SDK1: variants seen among roughly 807,000 people sequenced by gnomAD.
The protein encoded by SDK1 is sidekick cell adhesion molecule 1.
SDK1 carries 157 observed loss-of-function variants against 245.5 expected under a neutral mutation model. The ratio of observed to expected loss-of-function variants is 0.64; its 90% CI spans 0.56 to 0.73. The LOEUF is 0.73. SDK1 is among the 30% of genes least tolerant of loss of function. SDK1 has a pLI of 0.00. For missense variants in SDK1, 3,583 were observed against 3,002.3 expected (o/e 1.19, Z -4.52); for synonymous variants, 1,647 against 1,278.5 (o/e 1.29, Z -6.15).
chr7:3,995,255 G>T (rs115110721), intron 14 of SDK1, among the ~76,000 whole-genome samples: 1 of 152,068 alleles, frequency 6.6e-6, no homozygotes, highest in Admixed American at 6.6e-5. Context: ...GGGAATTCTC[G>T]CCCTGATCCT....
intron 1 of SDK1, among the ~76,000 whole-genome samples, chr7:3,468,159 T>A (rs1258267572): frequency 6.6e-6 from 1 of 152,198 alleles, no homozygotes; most frequent in Non-Finnish European, 1.5e-5. Flanking sequence ...TGACATTCCT[T>A]TAGTCTTAAC....
chr7:3,527,986 G>A (rs193179783), intron 1 of SDK1, among the ~76,000 whole-genome samples: 2 of 150,614 alleles, frequency 1.3e-5, no homozygotes, highest in Non-Finnish European at 3.0e-5. Context: ...AGGTGAGGCT[G>A]GGTGTCAGTT....
Position 3,907,470 on chromosome 7 carries a change from C to CT in SDK1, c.848-43452dup, listed in dbSNP as rs1432383652. On this transcript the variant is annotated intron_variant, in intron 5 of 44. Coordinates refer to ENST00000404826, the MANE Select transcript of SDK1 (RefSeq NM_152744.4). ...ACTCATTGCTTTTTGTGGCTGAACA[C>CT]TATTTCATTATCTGACATACCACAC... Among the ~76,000 whole-genome samples, 4 of 152,222 alleles carry CT rather than the reference C, an allele frequency of 2.6e-5. No homozygotes were observed. The East Asian group carries it at 7.7e-4, about 29-fold the overall frequency.
At chr7:3,706,706 A>C (rs570933797) in intron 4 of SDK1, among the ~76,000 whole-genome samples, 6 of 152,192 alleles carry the variant, frequency 3.9e-5, no homozygotes, top group African/African-American at 1.4e-4. Flanking sequence ...TCGGCCAGCA[A>C]CTTTTTTTTA....
chr7:4,103,771 A>G (rs61000330), intron 22 of SDK1, among the ~76,000 whole-genome samples: 7,564 of 152,340 alleles, frequency 0.05, 633 homozygotes, highest in African/African-American at 0.17. Context: ...GTGATGACAC[A>G]TGTGGTGAGA....
rs941275229 is a variant in SDK1 at position 4,266,700 on chromosome 7, C to G, written c.*1316C>G. ...CCTCCAGCCCCTCACGTCATCTTTG[C>G]AACAGACGACTGGGCTGCCATGGTC... On this transcript the variant is annotated 3_prime_UTR_variant, in exon 45 of 45. Coordinates refer to ENST00000404826, the MANE Select transcript of SDK1 (RefSeq NM_152744.4). The G allele has an allele frequency of 2.0e-6, 2 of 985,370 alleles. No individual in the cohort carries two copies. The highest frequency in any genetic ancestry group is 3.5e-5 in the African/African-American group (2 of 57,244). The allele number at this position is 985,370 out of a possible 1,614,324, so 61.0% of individuals were successfully genotyped here. A position where few individuals can be genotyped will look rare whatever the true frequency, so the allele number is the denominator to read the frequency against.
intron 5 of SDK1, among the ~76,000 whole-genome samples, chr7:3,902,974 T>C (rs1257375479): frequency 6.6e-6 from 1 of 152,110 alleles, no homozygotes; most frequent in African/African-American, 2.4e-5. Flanking sequence ...CAAAGGATTT[T>C]AATAGGCATT....
intron 33 of SDK1, 132 bp from the exon 34 acceptor site, chr7:4,175,643 C>A: frequency 1.3e-6 from 1 of 782,062 alleles, no homozygotes. Context: ...TCTTTATTGC[C>A]CCGGGAGGCG....
chr7:3,361,285 C>A (rs980986382), intron 1 of SDK1, among the ~76,000 whole-genome samples: 2 of 152,256 alleles, frequency 1.3e-5, no homozygotes, highest in East Asian at 3.9e-4. Context: ...TTTTAAAACC[C>A]GAATTGAAAT....
rs530401354 is a variant in SDK1 at position 3,523,638 on chromosome 7, A to G, written c.299-95442A>G. On this transcript the variant is annotated intron_variant, in intron 1 of 44. Coordinates refer to ENST00000404826, the MANE Select transcript of SDK1 (RefSeq NM_152744.4). ...CTTTCCAAGCATTTGTGATACCTCAATGGGCATAGTCTACCAGAATGAGTG... is the reference window on the plus strand; with the variant it reads ...CTTTCCAAGCATTTGTGATACCTCAGTGGGCATAGTCTACCAGAATGAGTG... Among the ~76,000 whole-genome samples the G allele has an allele frequency of 9.2e-5, 14 of 152,258 alleles. No homozygotes were observed. In the South Asian group the frequency reaches 2.1e-3, roughly 23 times the overall value.
intron 42 of SDK1, among the ~76,000 whole-genome samples, chr7:4,238,607 G>A (rs578251683): frequency 1.3e-5 from 2 of 150,228 alleles, no homozygotes; most frequent in East Asian, 2.0e-4. Context: ...TTGTTGCCAT[G>A]GTGCAGTCTA....
chr7:3,851,692 G>A lies in SDK1; in HGVS notation c.847+30109G>A, dbSNP rs1436983582. ...ATGTGATTTATGGGAACACCTTTCA[G>A]TAATTTTACACAGTCCACCAGAAAA... is the stretch of plus-strand genomic sequence containing the variant. On this transcript the variant is annotated intron_variant, in intron 5 of 44. Transcript: ENST00000404826. Among the ~76,000 whole-genome samples, 3 of 152,142 alleles carry A rather than the reference G, an allele frequency of 2.0e-5. No individual in the cohort carries two copies. The East Asian group carries it at 5.8e-4, about 29-fold the overall frequency.
rs1157878786 is a variant in SDK1 at position 4,268,674 on chromosome 7, A to G, written c.*3290A>G. ...TTTATTTCTTACGCATTCTTGGCAC[A>G]CAGTGTAGCTATCCTCCTGACGAGC... On this transcript the variant is annotated 3_prime_UTR_variant, in exon 45 of 45. Transcript: ENST00000404826. 7.3e-7 allele frequency: 1 copy of G among 1,367,844 alleles called. No individual in the cohort carries two copies. The highest frequency in any genetic ancestry group is 1.1e-5 in the South Asian group (1 of 88,046). 84.7% of individuals were successfully genotyped at this position (1,367,844 alleles called of 1,614,324 possible). A position where few individuals can be genotyped will look rare whatever the true frequency, so the allele number is the denominator to read the frequency against.
intron 4 of SDK1, among the ~76,000 whole-genome samples, chr7:3,697,170 G>C (rs560954628): frequency 1.1e-4 from 17 of 152,236 alleles, no homozygotes; most frequent in Middle Eastern, 3.4e-3. Flanking sequence ...CCCATGCTAG[G>C]TTTGTTTATC....
At chr7:4,032,411 C>T (rs1407859421) in intron 17 of SDK1, among the ~76,000 whole-genome samples, 3 of 152,134 alleles carry the variant, frequency 2.0e-5, no homozygotes, top group Non-Finnish European at 2.9e-5. Context: ...ACTGGGAAAC[C>T]CTACAGGCAT....
At chr7:3,524,070 A>G (rs1367318561) in intron 1 of SDK1, among the ~76,000 whole-genome samples, 4 of 152,202 alleles carry the variant, frequency 2.6e-5, no homozygotes, top group Non-Finnish European at 5.9e-5. Context: ...CGTTCAACAA[A>G]TATTGCCTGA....
intron 12 of SDK1, among the ~76,000 whole-genome samples, chr7:3,973,531 C>G (rs1032977590): frequency 2.0e-5 from 3 of 151,830 alleles, no homozygotes; most frequent in Admixed American, 1.3e-4. Flanking sequence ...GGACCATCTG[C>G]CAGAATGGTC....
intron 1 of SDK1, among the ~76,000 whole-genome samples, chr7:3,444,564 A>G (rs992651312): frequency 6.6e-6 from 1 of 152,168 alleles, no homozygotes; most frequent in African/African-American, 2.4e-5. Context: ...TCTGTTTAAA[A>G]TGGGCCACCC....
intron 1 of SDK1, among the ~76,000 whole-genome samples, chr7:3,514,066 C>G (rs1782659771): frequency 1.3e-5 from 2 of 151,996 alleles, no homozygotes; most frequent in African/African-American, 2.4e-5. Context: ...CATGTCTGTA[C>G]TGTTGTGATG....
Sources: gnomAD v4.1 joint callset for allele counts (sites outside exome capture counted in the v4.1 genomes callset) on GRCh38, gnomAD v4.1.1 for gene constraint, MANE v1.5 for transcripts, NCBI Gene and HGNC (gene_info 2026-07-23, HGNC 2026-07-21) for gene names.